PTPRD: variants seen among roughly 807,000 people sequenced by gnomAD.
PTPRD encodes receptor-type tyrosine-protein phosphatase delta.
Under a neutral mutation model 214.5 loss-of-function variants are expected in PTPRD, and 34 were observed. The observed-to-expected ratio is 0.16, with a 90% CI of 0.12 to 0.21. The LOEUF (loss-of-function observed/expected upper bound fraction) is 0.21, where lower values mean the gene tolerates loss of function less well. Ranked by LOEUF, PTPRD falls within the 10% of genes least tolerant of loss-of-function variation. PTPRD has a pLI of 1.00. For missense variants in PTPRD, 2,545 were observed against 2,398.7 expected (o/e 1.06, Z -1.27); for synonymous variants, 1,128 against 845.7 (o/e 1.33, Z -5.79).
At position 10,398,223 on chromosome 9, in the gene PTPRD, T is replaced by C. The variant is rs376421585; in HGVS notation, c.-599-57206A>G. Reference sequence around the variant, plus strand: ...GCGAGACCCTGTCATTACAAATATTTAAAAATAATTAGCCAGGCATGGCGG... The same window carrying C: ...GCGAGACCCTGTCATTACAAATATTCAAAAATAATTAGCCAGGCATGGCGG... On this transcript the variant is annotated intron_variant, in intron 2 of 45. Coordinates refer to ENST00000381196, the MANE Select transcript of PTPRD (RefSeq NM_002839.4). Among the ~76,000 whole-genome samples, 6 of 151,582 alleles carry C rather than the reference T, an allele frequency of 4.0e-5. No homozygotes were observed. In the East Asian group the frequency reaches 7.9e-4, roughly 20 times the overall value.
chr9:9,312,617 G>C (rs1959530805), intron 9 of PTPRD, among the ~76,000 whole-genome samples: 1 of 152,118 alleles, frequency 6.6e-6, no homozygotes, highest in Non-Finnish European at 1.5e-5. Context: ...GTGAATGTGG[G>C]TGTGAGTACA....
At chr9:9,282,274 A>T (rs1947988092) in intron 9 of PTPRD, among the ~76,000 whole-genome samples, 1 of 151,180 alleles carries the variant, frequency 6.6e-6, no homozygotes, top group Non-Finnish European at 1.5e-5. Context: ...TACCAAATGT[A>T]CCATTCTGTT....
At chr9:10,232,392 C>A (rs897684413) in intron 3 of PTPRD, among the ~76,000 whole-genome samples, 1 of 151,908 alleles carries the variant, frequency 6.6e-6, no homozygotes, top group Non-Finnish European at 1.5e-5. Flanking sequence ...AGTCAAATAT[C>A]TGGATGTTTC....
chr9:8,335,395 A>C (rs528705303), intron 43 of PTPRD, among the ~76,000 whole-genome samples: 5 of 152,182 alleles, frequency 3.3e-5, no homozygotes, highest in Admixed American at 3.3e-4. Context: ...CAAAAACCAC[A>C]TGATTATCTC....
At chr9:9,235,085 G>T (rs554862320) in intron 9 of PTPRD, among the ~76,000 whole-genome samples, 1 of 152,242 alleles carries the variant, frequency 6.6e-6, no homozygotes, top group African/African-American at 2.4e-5. Flanking sequence ...ACATGGCTGG[G>T]GAGGCCTCAG....
At chr9:9,856,162 C>T (rs1039157491) in intron 5 of PTPRD, among the ~76,000 whole-genome samples, 1 of 152,118 alleles carries the variant, frequency 6.6e-6, no homozygotes, top group Non-Finnish European at 1.5e-5. Context: ...TGAAGTTGCA[C>T]CGTCAAGCTG....
chr9:10,279,538 C>T (rs989670801), intron 3 of PTPRD, among the ~76,000 whole-genome samples: 2 of 151,982 alleles, frequency 1.3e-5, no homozygotes, highest in African/African-American at 4.8e-5. Context: ...ACTGATAAAA[C>T]TTTCGGAATA....
At chr9:9,275,142 TATATAATATATTA>T (rs1944832192) in intron 9 of PTPRD, among the ~76,000 whole-genome samples, 1 of 66,674 alleles carries the variant, frequency 1.5e-5, no homozygotes, top group Non-Finnish European at 2.5e-5. Flanking sequence ...ATATAATATA[TATATAATATATTA>T]TATATATAAC....
chr9:10,242,500 T>A (rs1030102753), intron 3 of PTPRD, among the ~76,000 whole-genome samples: 1 of 152,000 alleles, frequency 6.6e-6, no homozygotes, highest in Non-Finnish European at 1.5e-5. Flanking sequence ...CGTTCAGTGT[T>A]CAGGCAACAG....
intron 8 of PTPRD, among the ~76,000 whole-genome samples, chr9:9,429,614 A>T (rs2082290684): frequency 6.6e-6 from 1 of 152,162 alleles, no homozygotes; most frequent in Non-Finnish European, 1.5e-5. Flanking sequence ...AGAATTTTAG[A>T]CCAATATCCC....
chr9:8,504,161 T>A, intron 23 of PTPRD, 100 bp downstream of exon 23: 1 of 1,185,084 alleles, frequency 8.4e-7, no homozygotes, highest in Non-Finnish European at 1.2e-6. Flanking sequence ...AGACTAACTA[T>A]TAAGCATATT....
chr9:9,832,399 A>C (rs1030295837), intron 5 of PTPRD, among the ~76,000 whole-genome samples: 2 of 151,986 alleles, frequency 1.3e-5, no homozygotes, highest in African/African-American at 4.8e-5. Context: ...TAATTCATTA[A>C]AGTTCTATAT....
At chr9:10,460,750 G>A (rs1004654523) in intron 2 of PTPRD, among the ~76,000 whole-genome samples, 1 of 152,058 alleles carries the variant, frequency 6.6e-6, no homozygotes, top group Non-Finnish European at 1.5e-5. Context: ...CAAAATGGAT[G>A]AGAGACCTAA....
intron 2 of PTPRD, among the ~76,000 whole-genome samples, chr9:10,389,491 CTG>C (rs1218429202): frequency 3.3e-5 from 5 of 151,900 alleles, no homozygotes; most frequent in Non-Finnish European, 7.4e-5. Flanking sequence ...TCACCTGTAA[CTG>C]TTCCCTTTGT....
rs1343555171 is a variant in PTPRD at position 9,930,451 on chromosome 9, A to G, written c.-368+8056T>C. On this transcript the variant is annotated intron_variant, in intron 5 of 45. Coordinates refer to ENST00000381196, the MANE Select transcript of PTPRD (RefSeq NM_002839.4). The stretch of plus-strand genomic sequence containing the variant: ...TATTTTTAAAATGACATTTTCACAT[A>G]AAAACAATTTCTTGTATGTTTGAGT... Among the ~76,000 whole-genome samples the G allele has an allele frequency of 2.6e-5, 4 of 152,342 alleles. No individual in the cohort carries two copies. In the East Asian group the frequency reaches 7.7e-4, roughly 29 times the overall value.
At chr9:10,515,205 A>G (rs1476491411) in intron 2 of PTPRD, among the ~76,000 whole-genome samples, 1 of 152,022 alleles carries the variant, frequency 6.6e-6, no homozygotes, top group East Asian at 1.9e-4. Context: ...TATAACTTCA[A>G]CAGATTCTTG....
In PTPRD at chr9:10,505,912, T is replaced by C. The variant is rs535886362; in HGVS notation, c.-600+106486A>G. On this transcript the variant is annotated intron_variant, in intron 2 of 45. Transcript: ENST00000381196. Reference sequence around the variant, plus strand: ...TATCAATACATAAGCAGAAAAATAATCAATAAGTAGAAGGTGTATGAAAAG... The same window carrying C: ...TATCAATACATAAGCAGAAAAATAACCAATAAGTAGAAGGTGTATGAAAAG... 1.4e-3 allele frequency among the ~76,000 whole-genome samples: 206 copies of C among 152,180 alleles called. 1 individual carries two copies. The highest frequency in any genetic ancestry group is 4.7e-3 in the African/African-American group (196 of 41,540).
chr9:9,217,594 C>A (rs1456309925), intron 9 of PTPRD, among the ~76,000 whole-genome samples: 1 of 152,162 alleles, frequency 6.6e-6, no homozygotes, highest in African/African-American at 2.4e-5. Context: ...CTTCCTAAGA[C>A]ACAAACTTGA....
chr9:8,604,279 C>T (rs922862540), intron 14 of PTPRD, among the ~76,000 whole-genome samples: 1 of 152,038 alleles, frequency 6.6e-6, no homozygotes, highest in Non-Finnish European at 1.5e-5. Context: ...CAAGAGAGGA[C>T]CATTAGATCT....
Sources: gnomAD v4.1 joint callset for allele counts (sites outside exome capture counted in the v4.1 genomes callset) on GRCh38, gnomAD v4.1.1 for gene constraint, MANE v1.5 for transcripts, NCBI Gene and HGNC (gene_info 2026-07-23, HGNC 2026-07-21) for gene names.